The following TRAK1 variants were observed in gnomAD, a reference collection of about 807,000 sequenced individuals.
TRAK1 encodes the protein trafficking kinesin-binding protein 1.
In TRAK1, 33 loss-of-function variants were observed where a neutral mutation model predicts 92.1. That is an observed-to-expected ratio of 0.36 (90% confidence interval 0.27 to 0.48). TRAK1 has a LOEUF of 0.48. TRAK1 is among the 20% of genes least tolerant of loss of function. The pLI is 0.99. For missense variants in TRAK1, 1,123 were observed against 1,257.9 expected, an observed-to-expected ratio of 0.89 and a Z score of 1.62; for synonymous variants, 521 against 517.3, an observed-to-expected ratio of 1.01 and a Z score of -0.10.
intron 2 of TRAK1, among the ~76,000 whole-genome samples, chr3:42,145,011 A>G (rs193255184): frequency 2.0e-5 from 3 of 152,300 alleles, no homozygotes; most frequent in East Asian, 3.9e-4. Context: ...TTATTTTTTA[A>G]TTATACAAGT....
In TRAK1 at chr3:42,020,639, A is replaced by G. The variant is rs1397599192; in HGVS notation, c.-519+6522A>G. Reference sequence around the variant, plus strand: ...GTATAAGTACTCATTTCTATCGGGTATATGCTCAGGAGTGGATCATTGGGT... The same window carrying G: ...GTATAAGTACTCATTTCTATCGGGTGTATGCTCAGGAGTGGATCATTGGGT... On this transcript the variant is annotated intron_variant, in intron 1 of 16. Coordinates refer to the TRAK1 transcript ENST00000487159. Among the ~76,000 whole-genome samples the G allele has an allele frequency of 7.9e-5, 12 of 152,330 alleles. 1 individual carries two copies. Among genetic ancestry groups the G allele is most frequent in the Non-Finnish European group, 1.8e-4 (12 of 68,028 alleles).
At chr3:42,157,384 A>G (rs1700659181) in intron 2 of TRAK1, among the ~76,000 whole-genome samples, 1 of 136,596 alleles carries the variant, frequency 7.3e-6, no homozygotes, top group African/African-American at 2.7e-5. Context: ...CCTTGAGCCT[A>G]GAGGTCGAGG....
In TRAK1 at chr3:42,121,856, C is replaced by T. The variant is rs576977700; in HGVS notation, c.92-3564C>T. On this transcript the variant is annotated intron_variant, in intron 1 of 15. Transcript: ENST00000327628. ...TTTTAAAAACAGAGTCTCGCTCTGT[C>T]GCCCAGGCTGGAGTGCAGTGGCGTG... Among the ~76,000 whole-genome samples, 4 of 152,070 alleles carry T rather than the reference C, an allele frequency of 2.6e-5. No homozygotes were observed. The East Asian group carries it at 5.8e-4, about 22-fold the overall frequency.
intron 1 of TRAK1, among the ~76,000 whole-genome samples, chr3:42,053,237 A>G (rs1245890011): frequency 6.6e-6 from 1 of 152,066 alleles, no homozygotes; most frequent in African/African-American, 2.4e-5. Flanking sequence ...TAATGTTTAC[A>G]GTTCGTGTAG....
chr3:42,198,406 G>A (rs1707054563), intron 10 of TRAK1, among the ~76,000 whole-genome samples: 1 of 152,168 alleles, frequency 6.6e-6, no homozygotes, highest in African/African-American at 2.4e-5. Flanking sequence ...TTTGGTGTCT[G>A]CTTCAGAAAA....
upstream of TRAK1, among the ~76,000 whole-genome samples, chr3:42,086,175 G>A (rs1704662185): frequency 1.3e-5 from 2 of 152,234 alleles, no homozygotes; most frequent in South Asian, 2.1e-4. Flanking sequence ...GCATGTAGGT[G>A]TGCTGTTGCC....
intron 1 of TRAK1, among the ~76,000 whole-genome samples, chr3:42,049,400 A>C (rs556718703): frequency 1.3e-5 from 2 of 151,642 alleles, no homozygotes; most frequent in Non-Finnish European, 2.9e-5. Flanking sequence ...AAAATTCATT[A>C]TGCCAGGCAC....
intron 1 of TRAK1, among the ~76,000 whole-genome samples, chr3:42,098,592 C>A (rs1271899613): frequency 6.6e-6 from 1 of 152,154 alleles, no homozygotes; most frequent in Admixed American, 6.5e-5. Flanking sequence ...ACAGAGAGCT[C>A]CAGCCAGCTC....
At position 42,020,516 on chromosome 3, in the gene TRAK1, AT is replaced by A. The variant is rs1701684269; in HGVS notation, c.-519+6400del. Among the ~76,000 whole-genome samples the A allele has an allele frequency of 2.6e-5, 4 of 152,234 alleles. No homozygotes were observed. The South Asian group carries it at 8.3e-4, about 32-fold the overall frequency. On this transcript the variant is annotated intron_variant, in intron 1 of 16. Transcript: ENST00000487159. ...TTAGTGTGGGATGGTATTCCATTTT[AT>A]GGTTATATCATGATTTGTTCATACA...
chr3:42,139,487 T>C (rs1698396025), intron 2 of TRAK1, among the ~76,000 whole-genome samples: 1 of 152,108 alleles, frequency 6.6e-6, no homozygotes, highest in Non-Finnish European at 1.5e-5. Context: ...CTTGGGGAAG[T>C]AATCAAAGGC....
intron 1 of TRAK1, among the ~76,000 whole-genome samples, chr3:42,053,334 G>A (rs909507388): frequency 1.6e-5 from 2 of 123,728 alleles, no homozygotes; most frequent in African/African-American, 2.9e-5. Context: ...AGAAAAAAAG[G>A]CACTCAGAGA....
chr3:42,180,677 CA>C (rs33959095), intron 3 of TRAK1, among the ~76,000 whole-genome samples: 7,448 of 86,960 alleles, frequency 0.086, 131 homozygotes, highest in Middle Eastern at 0.13. Context: ...AGACCTGTCT[CA>C]AAAAAAAAAA....
chr3:42,117,234 C>T (rs564073545), intron 1 of TRAK1, among the ~76,000 whole-genome samples: 2 of 152,210 alleles, frequency 1.3e-5, no homozygotes, highest in African/African-American at 2.4e-5. Context: ...GAAACTGAGT[C>T]CCAGGCATAT....
chr3:42,211,598 G>A (rs112517643), intron 14 of TRAK1: 33,941 of 985,366 alleles, frequency 0.034, 634 homozygotes, highest in Non-Finnish European at 0.039. Flanking sequence ...CTCCCCTACA[G>A]CCTTACAGGT....
chr3:42,159,546 AT>A (rs532239157), intron 2 of TRAK1, among the ~76,000 whole-genome samples: 5 of 152,134 alleles, frequency 3.3e-5, no homozygotes, highest in Admixed American at 3.3e-4. Flanking sequence ...TAGGCTTTAG[AT>A]TTTTTTCTTA....
At chr3:42,200,365 CT>C (rs1576972624) in intron 11 of TRAK1, among the ~76,000 whole-genome samples, 1 of 152,152 alleles carries the variant, frequency 6.6e-6, no homozygotes, top group Admixed American at 6.5e-5. Flanking sequence ...TGAAGTCTTC[CT>C]TTTTTTATAT....
intron 1 of TRAK1, among the ~76,000 whole-genome samples, chr3:42,044,328 T>A (rs940294846): frequency 3.9e-5 from 6 of 152,156 alleles, no homozygotes; most frequent in African/African-American, 1.4e-4. Flanking sequence ...ACTTGGCTAA[T>A]TTTTTGTATT....
rs200414323 is a variant in TRAK1, at chr3:42,177,293, GGAA to G, written c.363+404_363+406del. Among the ~76,000 whole-genome samples the G allele has an allele frequency of 6.4e-3, 968 of 152,252 alleles. 9 individuals are homozygous for G. The highest frequency in any genetic ancestry group is 7.6e-3 in the Non-Finnish European group (514 of 68,024). On this transcript the variant is annotated intron_variant, in intron 3 of 15. Coordinates refer to ENST00000327628, the MANE Select transcript of TRAK1 (RefSeq NM_001042646.3). The stretch of plus-strand genomic sequence containing the variant: ...GTGGAATATTGTGCAGTGTCAGCGT[GGAA>G]ATAAGTAAAATAAGCATGGCAAGAA...
chr3:42,168,081 A>G (rs1220292672), intron 2 of TRAK1, among the ~76,000 whole-genome samples: 1 of 152,224 alleles, frequency 6.6e-6, no homozygotes, highest in Non-Finnish European at 1.5e-5. Context: ...GTTCAAAGTC[A>G]AATTCTTCTC....
Sources: allele counts gnomAD v4.1 joint callset (sites outside exome capture counted in the v4.1 genomes callset), GRCh38; gene constraint gnomAD v4.1.1; transcripts MANE v1.5; gene names NCBI Gene and HGNC (gene_info 2026-07-23, HGNC 2026-07-21).